The following GSDMC variants were observed in gnomAD, a reference collection of about 807,000 sequenced individuals.
GSDMC encodes the protein gasdermin C.
A neutral mutation model predicts 58.0 loss-of-function variants in GSDMC; 59 were observed. The observed-to-expected ratio is 1.02, with a 90% CI of 0.82 to 1.26. GSDMC has a LOEUF of 1.26. GSDMC is among the 50% of genes most tolerant of loss of function. The probability of loss-of-function intolerance (pLI) is 0.00; values close to 1 mark genes in which losing one functional copy is unlikely to be tolerated. For synonymous variants in GSDMC, 241 were observed against 220.2 expected, an observed-to-expected ratio of 1.09 and a Z score of -0.83; for missense variants, 659 against 598.5, an observed-to-expected ratio of 1.10 and a Z score of -1.06.
intron 6 of GSDMC, among the ~76,000 whole-genome samples, chr8:129,759,369 G>A (rs192707165): frequency 2.0e-5 from 3 of 151,914 alleles, no homozygotes; most frequent in South Asian, 2.1e-4. Flanking sequence ...AAATGGGATC[G>A]CATCAAGTTA....
At chr8:129,783,368 T>C (rs1017566191) in intron 1 of GSDMC, among the ~76,000 whole-genome samples, 1 of 152,116 alleles carries the variant, frequency 6.6e-6, no homozygotes, top group Non-Finnish European at 1.5e-5. Context: ...AACAAAAAAC[T>C]ATTAGAAGTT....
rs767460133 is a variant in GSDMC at position 129,752,714 on chromosome 8, A to G, written c.828T>C (p.Asp276=). The G allele has an allele frequency of 1.9e-6, 3 of 1,614,232 alleles. No homozygotes were observed. The highest frequency in any genetic ancestry group is 3.3e-5 in the Admixed American group (2 of 60,020). The change falls in exon 7 of 14, where the codon GAT becomes GAC. Residue 276 remains aspartate, a synonymous_variant. Coordinates refer to ENST00000276708, the MANE Select transcript of GSDMC (RefSeq NM_031415.3). Reference sequence around the variant, plus strand: ...TCACAGTACCTGGTTTTAACTTCATATCATTGGATGAGGCATTGAAGAGGG... The same window carrying G: ...TCACAGTACCTGGTTTTAACTTCATGTCATTGGATGAGGCATTGAAGAGGG... ...SPTLFNASSN[D]MKLKPELFLT...
At chr8:129,780,933 T>G (rs1324469463) in intron 1 of GSDMC, among the ~76,000 whole-genome samples, 1 of 65,112 alleles carries the variant, frequency 1.5e-5, no homozygotes, top group Non-Finnish European at 3.3e-5. Flanking sequence ...TTTCTGTTTG[T>G]GTTTGTTTGT....
At chr8:129,783,861 C>T (rs1368483171) in intron 1 of GSDMC, among the ~76,000 whole-genome samples, 1 of 152,070 alleles carries the variant, frequency 6.6e-6, no homozygotes, top group Non-Finnish European at 1.5e-5. Flanking sequence ...GCTACAGTAA[C>T]CAAAACAGCA....
the GSDMC span, among the ~76,000 whole-genome samples, chr8:129,722,790 T>A: frequency 6.6e-6 from 1 of 152,214 alleles, no homozygotes. Context: ...TAGTCTTGCA[T>A]ACAGATGGAT....
chr8:129,741,961 A>T, the GSDMC span, among the ~76,000 whole-genome samples: 1 of 139,270 alleles, frequency 7.2e-6, no homozygotes, highest in African/African-American at 2.9e-5. Flanking sequence ...TTCAGCCTTA[A>T]AAAAGAAGGA....
chr8:129,742,375 C>T, the GSDMC span, among the ~76,000 whole-genome samples: 1 of 151,918 alleles, frequency 6.6e-6, no homozygotes, highest in Non-Finnish European at 1.5e-5. Context: ...ACATTTTGCC[C>T]CATAAAAATA....
At chr8:129,720,470 C>T in the GSDMC span, among the ~76,000 whole-genome samples, 4 of 152,036 alleles carry the variant, frequency 2.6e-5, no homozygotes, top group Non-Finnish European at 4.4e-5. Context: ...AACATATACA[C>T]GTTCACATCC....
the GSDMC span, among the ~76,000 whole-genome samples, chr8:129,710,129 T>C: frequency 6.6e-6 from 1 of 152,264 alleles, no homozygotes; most frequent in African/African-American, 2.4e-5. Context: ...GTATTTTTTT[T>C]CTGGGTGCTT....
intron 6 of GSDMC, among the ~76,000 whole-genome samples, chr8:129,757,310 A>G (rs946917709): frequency 6.6e-6 from 1 of 152,068 alleles, no homozygotes; most frequent in Non-Finnish European, 1.5e-5. Flanking sequence ...GAGAAAAATG[A>G]TACATTCCTA....
intron 6 of GSDMC, among the ~76,000 whole-genome samples, chr8:129,760,152 T>C (rs2130425039): frequency 6.6e-6 from 1 of 152,254 alleles, no homozygotes; most frequent in South Asian, 2.1e-4. Context: ...ACTTGTGGGA[T>C]GTAAAAATCA....
At chr8:129,779,015 T>C (rs551635816) in intron 1 of GSDMC, among the ~76,000 whole-genome samples, 2 of 152,310 alleles carry the variant, frequency 1.3e-5, no homozygotes, top group South Asian at 2.1e-4. Context: ...TTGATGGGAA[T>C]GTAAATTAGT....
In GSDMC at chr8:129,778,675, C is replaced by A. The variant is rs186085134; in HGVS notation, c.-4-1084G>T. Reference sequence around the variant, plus strand: ...AGCTATGAACAGAGTGAACAGGTAACCTACAGAATGGGAGAAAATTTTTGC... The same window carrying A: ...AGCTATGAACAGAGTGAACAGGTAAACTACAGAATGGGAGAAAATTTTTGC... On this transcript the variant is annotated intron_variant, in intron 1 of 13. Transcript: ENST00000276708. Among the ~76,000 whole-genome samples the A allele has an allele frequency of 3.6e-4, 54 of 151,922 alleles. No individual in the cohort carries two copies. In the South Asian group the frequency reaches 7.3e-3, roughly 20 times the overall value.
chr8:129,779,278 C>CA (rs1383284450), intron 1 of GSDMC, among the ~76,000 whole-genome samples: 1 of 151,738 alleles, frequency 6.6e-6, no homozygotes, highest in East Asian at 1.9e-4. Context: ...ACTATGTAGC[C>CA]AAAAAAAGAA....
At chr8:129,707,994 G>C in the GSDMC span, among the ~76,000 whole-genome samples, 2 of 152,136 alleles carry the variant, frequency 1.3e-5, no homozygotes, top group East Asian at 1.9e-4. Flanking sequence ...GAGTCCACCA[G>C]AGTTCTGTGC....
the GSDMC span, among the ~76,000 whole-genome samples, chr8:129,727,940 G>A: frequency 1.3e-5 from 2 of 152,164 alleles, no homozygotes; most frequent in African/African-American, 4.8e-5. Context: ...GAACCCCCCT[G>A]CATATGCCAT....
chr8:129,740,014 G>T, the GSDMC span, among the ~76,000 whole-genome samples: 26,159 of 151,900 alleles, frequency 0.17, 2,669 homozygotes, highest in Non-Finnish European at 0.23. Flanking sequence ...GCTAATGTGT[G>T]TGTGTTTGTG....
At chr8:129,717,735 A>G in the GSDMC span, among the ~76,000 whole-genome samples, 1 of 152,206 alleles carries the variant, frequency 6.6e-6, no homozygotes, top group East Asian at 1.9e-4. Flanking sequence ...CAAAAAGAAC[A>G]AAGCTGGAGG....
the GSDMC span, among the ~76,000 whole-genome samples, chr8:129,738,817 GA>G: frequency 7.6e-3 from 1,150 of 151,544 alleles, 19 homozygotes; most frequent in African/African-American, 0.026. Flanking sequence ...TTAAAAAAAA[GA>G]AAAAAAATAC....
Sources: allele counts gnomAD v4.1 joint callset (sites outside exome capture counted in the v4.1 genomes callset), GRCh38; gene constraint gnomAD v4.1.1; transcripts MANE v1.5; gene names NCBI Gene and HGNC (gene_info 2026-07-23, HGNC 2026-07-21).